RSRC1: variants seen among roughly 807,000 people sequenced by gnomAD.
RSRC1 encodes the protein serine/Arginine-related protein 53.
RSRC1 carries 39 observed loss-of-function variants against 49.1 expected under a neutral mutation model. That is an observed-to-expected ratio of 0.79 (90% CI 0.61 to 1.04). The LOEUF (loss-of-function observed/expected upper bound fraction) is 1.04, where lower values mean the gene tolerates loss of function less well. Among genes scored for constraint, RSRC1 ranks in the 50% least tolerant of loss-of-function variants. The pLI is 0.00. For synonymous variants in RSRC1, 143 were observed against 130.8 expected, an observed-to-expected ratio of 1.09 and a Z score of -0.63; for missense variants, 388 against 402.4, an observed-to-expected ratio of 0.96 and a Z score of 0.31.
chr3:158,487,971 A>AAAAAAAAAAAAAAAAAAAAG (rs1738898521), intron 7 of RSRC1, among the ~76,000 whole-genome samples: 1 of 148,606 alleles, frequency 6.7e-6, no homozygotes, highest in Non-Finnish European at 1.5e-5. Flanking sequence ...AAAAAAAAAA[A>AAAAAAAAAAAAAAAAAAAAG]AAACTGGCTG....
chr3:158,454,658 T>C (rs1167075248), intron 6 of RSRC1, among the ~76,000 whole-genome samples: 1 of 152,184 alleles, frequency 6.6e-6, no homozygotes, highest in Non-Finnish European at 1.5e-5. Context: ...GTTTACCTTA[T>C]TAACCAATTC....
At chr3:158,171,567 T>C (rs761135243) in intron 3 of RSRC1, among the ~76,000 whole-genome samples, 22 of 152,034 alleles carry the variant, frequency 1.4e-4, no homozygotes, top group Non-Finnish European at 2.8e-4. Flanking sequence ...AGTAGAAATT[T>C]TGGCACTGAA....
intron 6 of RSRC1, among the ~76,000 whole-genome samples, chr3:158,414,588 G>A (rs897134713): frequency 5.3e-5 from 8 of 151,960 alleles, no homozygotes; most frequent in Non-Finnish European, 7.4e-5. Context: ...CAGGCCTGGT[G>A]GCACGCACCT....
intron 3 of RSRC1, among the ~76,000 whole-genome samples, chr3:158,134,614 C>G (rs920631180): frequency 2.6e-5 from 4 of 151,722 alleles, no homozygotes; most frequent in Non-Finnish European, 5.9e-5. Flanking sequence ...TATTCTTTTG[C>G]GGAATTATCA....
intron 1 of RSRC1, among the ~76,000 whole-genome samples, chr3:158,117,255 T>C (rs942972091): frequency 2.0e-5 from 3 of 152,196 alleles, no homozygotes; most frequent in Non-Finnish European, 2.9e-5. Context: ...GGGTATGTCT[T>C]TTTAGAAAAA....
At chr3:158,284,781 T>C (rs1222267339) in intron 4 of RSRC1, among the ~76,000 whole-genome samples, 10 of 151,832 alleles carry the variant, frequency 6.6e-5, no homozygotes, top group African/African-American at 1.5e-4. Context: ...TCATTGTAGA[T>C]TCTGGATATT....
intron 5 of RSRC1, among the ~76,000 whole-genome samples, chr3:158,308,699 A>G (rs1343355750): frequency 6.6e-6 from 1 of 151,952 alleles, no homozygotes; most frequent in Non-Finnish European, 1.5e-5. Flanking sequence ...TATGCGCTTA[A>G]TCTTAATGGT....
At chr3:158,453,407 G>A (rs1737156302) in intron 6 of RSRC1, among the ~76,000 whole-genome samples, 1 of 147,978 alleles carries the variant, frequency 6.8e-6, no homozygotes, top group Non-Finnish European at 1.5e-5. Context: ...TCGAGTCGGA[G>A]TATTGCTCTG....
intron 6 of RSRC1, among the ~76,000 whole-genome samples, chr3:158,428,528 A>G (rs926832195): frequency 6.6e-6 from 1 of 151,860 alleles, no homozygotes; most frequent in South Asian, 2.1e-4. Context: ...TGAGTATGAA[A>G]AACCATAGAG....
chr3:158,164,825 A>G (rs1426096858), intron 3 of RSRC1, among the ~76,000 whole-genome samples: 1 of 152,206 alleles, frequency 6.6e-6, no homozygotes, highest in Non-Finnish European at 1.5e-5. Flanking sequence ...AAGTTTGTAT[A>G]GAATTTAAAT....
chr3:158,113,316 T>G (rs1417430314), intron 1 of RSRC1, among the ~76,000 whole-genome samples: 1 of 152,122 alleles, frequency 6.6e-6, no homozygotes, highest in Non-Finnish European at 1.5e-5. Context: ...CAACAGTTTA[T>G]TAATAAAAGT....
At chr3:158,329,225 C>T (rs1443616600) in intron 5 of RSRC1, among the ~76,000 whole-genome samples, 2 of 152,206 alleles carry the variant, frequency 1.3e-5, no homozygotes, top group African/African-American at 4.8e-5. Flanking sequence ...CTGAAACTTT[C>T]TTCTCTCAAC....
chr3:158,372,034 G>T (rs150598106), intron 6 of RSRC1, among the ~76,000 whole-genome samples: 1 of 137,544 alleles, frequency 7.3e-6, no homozygotes, highest in Non-Finnish European at 1.7e-5. Flanking sequence ...TCATTTTTCA[G>T]TTGCTGAGTT....
chr3:158,487,874 C>G (rs1180529884), intron 7 of RSRC1, among the ~76,000 whole-genome samples: 2 of 137,086 alleles, frequency 1.5e-5, no homozygotes, highest in South Asian at 2.5e-4. Context: ...TGCTTGAACC[C>G]GGGAGGTGGA....
chr3:158,236,076 C>G (rs1038587741), intron 4 of RSRC1, among the ~76,000 whole-genome samples: 3 of 151,328 alleles, frequency 2.0e-5, no homozygotes, highest in African/African-American at 4.9e-5. Flanking sequence ...AGATTGTGCC[C>G]TTGCACTCCA....
intron 7 of RSRC1, among the ~76,000 whole-genome samples, chr3:158,528,832 C>A (rs1176833564): frequency 6.6e-6 from 1 of 151,918 alleles, no homozygotes; most frequent in African/African-American, 2.4e-5. Flanking sequence ...ATTTGACTAT[C>A]AATGTTGATT....
At chr3:158,448,848 C>T (rs1240599672) in intron 6 of RSRC1, among the ~76,000 whole-genome samples, 4 of 151,750 alleles carry the variant, frequency 2.6e-5, no homozygotes, top group African/African-American at 9.7e-5. Context: ...ATCTAGAAGA[C>T]GTGACACAGA....
At chr3:158,510,776 A>C (rs1180231048) in intron 7 of RSRC1, among the ~76,000 whole-genome samples, 3 of 152,212 alleles carry the variant, frequency 2.0e-5, no homozygotes, top group Admixed American at 6.5e-5. Context: ...GGAATTGATT[A>C]TTAAGTCTTC....
chr3:158,423,028 C>T (rs1192676716), intron 6 of RSRC1, among the ~76,000 whole-genome samples: 1 of 152,100 alleles, frequency 6.6e-6, no homozygotes, highest in Non-Finnish European at 1.5e-5. Context: ...CTGTAAGTTG[C>T]CTGTTCACTC....
Sources: gnomAD v4.1 joint callset for allele counts (sites outside exome capture counted in the v4.1 genomes callset) on GRCh38, gnomAD v4.1.1 for gene constraint, MANE v1.5 for transcripts, NCBI Gene and HGNC (gene_info 2026-07-23, HGNC 2026-07-21) for gene names.